FBXO36: variants seen among roughly 807,000 people sequenced by gnomAD.
FBXO36 encodes F-box protein 36.
Under a neutral mutation model 17.0 loss-of-function variants are expected in FBXO36, and 18 were observed. The observed-to-expected ratio is 1.06, with a 90% CI of 0.73 to 1.57. The LOEUF is 1.57. Among genes scored for constraint, FBXO36 ranks in the 40% most tolerant of loss-of-function variants. The pLI is 0.00. For missense variants in FBXO36, 229 were observed against 221.9 expected (o/e 1.03, Z -0.20); for synonymous variants, 83 against 85.3 (o/e 0.97, Z 0.15).
chr2:229,985,611 A>G (rs1462872691), intron 2 of FBXO36, among the ~76,000 whole-genome samples: 1 of 152,196 alleles, frequency 6.6e-6, no homozygotes, highest in Non-Finnish European at 1.5e-5. Context: ...TGCAGGAGGT[A>G]GGAGCCTGGG....
chr2:229,995,772 A>G (rs1374744452), intron 2 of FBXO36, among the ~76,000 whole-genome samples: 1 of 151,578 alleles, frequency 6.6e-6, no homozygotes, highest in Non-Finnish European at 1.5e-5. Context: ...TTGTATTTTT[A>G]TTAGAGACAG....
At chr2:229,991,232 G>A (rs1256936075) in intron 2 of FBXO36, among the ~76,000 whole-genome samples, 1 of 152,084 alleles carries the variant, frequency 6.6e-6, no homozygotes, top group African/African-American at 2.4e-5. Flanking sequence ...TACTGTGCCT[G>A]GCCTAATATC....
intron 1 of FBXO36, among the ~76,000 whole-genome samples, chr2:229,967,664 A>G (rs1432662439): frequency 6.6e-6 from 1 of 152,120 alleles, no homozygotes; most frequent in Non-Finnish European, 1.5e-5. Context: ...GGTTCTGTTT[A>G]TGTGCTGGAT....
At chr2:229,967,562 A>G (rs2077159719) in intron 1 of FBXO36, among the ~76,000 whole-genome samples, 1 of 152,122 alleles carries the variant, frequency 6.6e-6, no homozygotes, top group Non-Finnish European at 1.5e-5. Flanking sequence ...ATCAATACCT[A>G]ATTTATTGAG....
At chr2:229,927,373 G>A (rs1310682104) in intron 1 of FBXO36, among the ~76,000 whole-genome samples, 3 of 152,174 alleles carry the variant, frequency 2.0e-5, no homozygotes, top group East Asian at 3.9e-4. Flanking sequence ...TATGAGTTTA[G>A]AAGAAGCAAA....
intron 1 of FBXO36, among the ~76,000 whole-genome samples, chr2:229,939,918 CA>C (rs1282872062): frequency 6.6e-6 from 1 of 152,126 alleles, no homozygotes; most frequent in Non-Finnish European, 1.5e-5. Flanking sequence ...CACGTCTCTA[CA>C]AAAACATACA....
chr2:229,953,743 G>C (rs926543512), intron 1 of FBXO36, among the ~76,000 whole-genome samples: 1 of 151,794 alleles, frequency 6.6e-6, no homozygotes, highest in African/African-American at 2.4e-5. Flanking sequence ...AGGAGAACAA[G>C]AAAAATTTAT....
intron 2 of FBXO36, among the ~76,000 whole-genome samples, chr2:229,995,805 G>A (rs1040408474): frequency 1.3e-5 from 2 of 151,312 alleles, no homozygotes; most frequent in African/African-American, 2.4e-5. Flanking sequence ...TTGGTCAGGC[G>A]GGTCTCGAAC....
At chr2:229,938,884 C>T (rs2076981428) in intron 1 of FBXO36, among the ~76,000 whole-genome samples, 1 of 149,176 alleles carries the variant, frequency 6.7e-6, no homozygotes, top group South Asian at 2.1e-4. Context: ...CTCAGCCTCC[C>T]GAGTAGCTGG....
chr2:229,957,774 A>G (rs2077096519), intron 1 of FBXO36, among the ~76,000 whole-genome samples: 2 of 152,216 alleles, frequency 1.3e-5, no homozygotes, highest in Non-Finnish European at 2.9e-5. Context: ...GTTAACTGTC[A>G]GCTTCTCAAC....
chr2:230,011,051 C>T lies in FBXO36; in HGVS notation c.*167C>T. ...ACAAATGCAGCAGAGTCTGGCTCCC[C>T]AGTGCCTTGCTAGAGTCACCGTCAT... On this transcript the variant is annotated 3_prime_UTR_variant, in exon 4 of 4. Coordinates refer to ENST00000283946, the MANE Select transcript of FBXO36 (RefSeq NM_174899.5). 2 of 709,086 alleles carry T rather than the reference C, an allele frequency of 2.8e-6. No homozygotes were observed. The highest frequency in any genetic ancestry group is 2.0e-5 in the South Asian group (1 of 49,368). 43.9% of individuals were successfully genotyped at this position (709,086 alleles called of 1,614,324 possible).
chr2:229,970,318 G>A (rs1427299071), intron 1 of FBXO36, among the ~76,000 whole-genome samples: 3 of 152,104 alleles, frequency 2.0e-5, no homozygotes, highest in African/African-American at 2.4e-5. Context: ...CCAGGAGCTC[G>A]AGACCAGCCT....
chr2:229,960,146 C>T (rs552922422), intron 1 of FBXO36, among the ~76,000 whole-genome samples: 2 of 151,924 alleles, frequency 1.3e-5, no homozygotes, highest in African/African-American at 4.8e-5. Flanking sequence ...TGGCATTTCT[C>T]ATATCCATCT....
chr2:229,927,655 A>C (rs1481622907), intron 1 of FBXO36, among the ~76,000 whole-genome samples: 1 of 152,142 alleles, frequency 6.6e-6, no homozygotes, highest in East Asian at 1.9e-4. Context: ...CAGCAGATGA[A>C]AGAAGGAAGA....
At chr2:229,961,782 GT>G (rs1474447951) in intron 1 of FBXO36, among the ~76,000 whole-genome samples, 2 of 152,140 alleles carry the variant, frequency 1.3e-5, no homozygotes, top group East Asian at 3.8e-4. Context: ...GGAAGGGGTA[GT>G]TTTTTTAAAA....
intron 3 of FBXO36, among the ~76,000 whole-genome samples, chr2:229,998,469 A>G (rs974207787): frequency 6.6e-6 from 1 of 152,126 alleles, no homozygotes; most frequent in African/African-American, 2.4e-5. Flanking sequence ...CTAAAAATAC[A>G]AAATTAGCCA....
intron 3 of FBXO36, among the ~76,000 whole-genome samples, chr2:230,007,930 T>C (rs1302646912): frequency 6.6e-6 from 1 of 152,132 alleles, no homozygotes; most frequent in Non-Finnish European, 1.5e-5. Context: ...GGTTTCACCA[T>C]GTCGGTCTGG....
chr2:229,975,513 G>A (rs1482082101), intron 1 of FBXO36, among the ~76,000 whole-genome samples: 2 of 149,720 alleles, frequency 1.3e-5, no homozygotes, highest in African/African-American at 4.9e-5. Context: ...CTGTCACCCA[G>A]GCTGGAGTAC....
chr2:230,011,132 G>T lies in FBXO36; in HGVS notation c.*248G>T. 1 of 428,612 alleles carries T rather than the reference G, an allele frequency of 2.3e-6. No homozygotes were observed. The highest frequency in any genetic ancestry group is 4.2e-6 in the Non-Finnish European group (1 of 236,366). The allele number at this position is 428,612 out of a possible 1,614,324, so 26.6% of individuals were successfully genotyped here. On this transcript the variant is annotated 3_prime_UTR_variant, in exon 4 of 4. Coordinates refer to ENST00000283946, the MANE Select transcript of FBXO36 (RefSeq NM_174899.5). ...GGCTGTAAGACAGGGAGCCCCATAG[G>T]CCATCATCATCCTTATCCCACACCC... is the stretch of plus-strand genomic sequence containing the variant.
Sources: allele counts gnomAD v4.1 joint callset (sites outside exome capture counted in the v4.1 genomes callset), GRCh38; gene constraint gnomAD v4.1.1; transcripts MANE v1.5; gene names NCBI Gene and HGNC (gene_info 2026-07-23, HGNC 2026-07-21).